TAF3: variants seen among roughly 807,000 people sequenced by gnomAD.
TAF3 encodes transcription initiation factor TFIID subunit 3.
In TAF3, 7 loss-of-function variants were observed where a neutral mutation model predicts 80.6. That is an observed-to-expected ratio of 0.09 (90% CI 0.05 to 0.16). The LOEUF is 0.16. Among genes scored for constraint, TAF3 ranks in the 10% least tolerant of loss-of-function variants. TAF3 has a pLI of 1.00. For missense variants in TAF3, 921 were observed against 1,140.2 expected (o/e 0.81, Z 2.77); for synonymous variants, 444 against 446.1 (o/e 1.00, Z 0.06).
intron 2 of TAF3, among the ~76,000 whole-genome samples, chr10:7,933,890 T>G (rs564719655): frequency 6.6e-6 from 1 of 152,306 alleles, no homozygotes; most frequent in South Asian, 2.1e-4. Flanking sequence ...TTCCCCCCGA[T>G]TTTAGCATTT....
At chr10:7,957,992 C>T (rs1838153949) in intron 2 of TAF3, among the ~76,000 whole-genome samples, 1 of 152,120 alleles carries the variant, frequency 6.6e-6, no homozygotes, top group Non-Finnish European at 1.5e-5. Flanking sequence ...TTATAATACA[C>T]AGGCTTCCAC....
In TAF3 at chr10:7,965,216, G is replaced by T; in HGVS notation, c.1706G>T (p.Gly569Val). The T allele has an allele frequency of 6.2e-7, 1 of 1,607,166 alleles. No homozygotes were observed. Residue 569 changes from glycine to valine, a missense_variant, in exon 3 of 7, where the codon GGC becomes GTC. By Grantham distance (109) the Gly-to-Val change is moderately radical (BLOSUM62 -3). This residue lies in a region of TAF3 where 743 missense variants were observed against 821.0 expected (regional missense o/e 0.90). Transcript: ENST00000344293. Reference sequence around the variant, plus strand: ...GAGAAAGAGAAAGACAAGGAAACTGGCAGGGAAACAAAGTATCCCTGGAAG... The same window carrying T: ...GAGAAAGAGAAAGACAAGGAAACTGTCAGGGAAACAAAGTATCCCTGGAAG... ...VKEKEKDKET[G>V]RETKYPWKEF... is the part of the protein sequence containing the mutation.
chr10:7,915,534 T>C (rs908433000), intron 2 of TAF3, among the ~76,000 whole-genome samples: 1 of 150,904 alleles, frequency 6.6e-6, no homozygotes, highest in Admixed American at 6.6e-5. Context: ...TCCCAGCTAC[T>C]TGGGAGGCTG....
chr10:7,848,667 G>A (rs1836996985), intron 2 of TAF3, among the ~76,000 whole-genome samples: 3 of 152,196 alleles, frequency 2.0e-5, no homozygotes, highest in African/African-American at 7.2e-5. Context: ...GAAGTTGTTA[G>A]TGTTTTCATT....
intron 2 of TAF3, among the ~76,000 whole-genome samples, chr10:7,934,497 T>TTCTGTCACCCAG (rs1837898163): frequency 1.3e-5 from 2 of 152,212 alleles, no homozygotes; most frequent in Non-Finnish European, 2.9e-5. Flanking sequence ...CAGGCTGGAG[T>TTCTGTCACCCAG]GCAGTGGCAC....
At chr10:7,885,253 C>G (rs537424271) in intron 2 of TAF3, among the ~76,000 whole-genome samples, 43 of 151,390 alleles carry the variant, frequency 2.8e-4, no homozygotes, top group African/African-American at 8.7e-4. Flanking sequence ...AATTTTGACA[C>G]ACACACACAC....
intron 2 of TAF3, among the ~76,000 whole-genome samples, chr10:7,859,017 C>G (rs1026172940): frequency 2.0e-5 from 3 of 152,162 alleles, no homozygotes; most frequent in African/African-American, 7.2e-5. Flanking sequence ...AATCCCAGCA[C>G]TTTGGGAGGC....
intron 2 of TAF3, among the ~76,000 whole-genome samples, chr10:7,902,581 C>T (rs1349862964): frequency 2.0e-5 from 3 of 152,116 alleles, no homozygotes; most frequent in South Asian, 2.1e-4. Context: ...CAGTGTGTTA[C>T]ATCAGGAGGC....
At chr10:7,824,655 G>A (rs1183488990) in intron 2 of TAF3, 95 bp downstream of exon 2, 1 of 1,427,726 alleles carries the variant, frequency 7.0e-7, no homozygotes, top group Non-Finnish European at 9.5e-7. Flanking sequence ...ATAAATTCTG[G>A]AAACACAATA....
At chr10:7,966,008 G>C (rs1831567495) in intron 3 of TAF3, among the ~76,000 whole-genome samples, 1 of 151,026 alleles carries the variant, frequency 6.6e-6, no homozygotes, top group South Asian at 2.1e-4. Context: ...TAGCTATAGT[G>C]ATCTCTGGCA....
chr10:7,919,462 C>T (rs1033418813), intron 2 of TAF3, among the ~76,000 whole-genome samples: 13 of 152,140 alleles, frequency 8.5e-5, no homozygotes, highest in African/African-American at 2.9e-4. Flanking sequence ...TTGATGTTTT[C>T]ACCTGTAGAA....
intron 4 of TAF3, among the ~76,000 whole-genome samples, chr10:7,989,753 G>A (rs1000047604): frequency 5.9e-5 from 9 of 152,044 alleles, no homozygotes; most frequent in East Asian, 1.9e-4. Flanking sequence ...ATATCTCGGC[G>A]TTTGGTATAA....
intron 2 of TAF3, among the ~76,000 whole-genome samples, chr10:7,888,672 T>C (rs1837432511): frequency 6.6e-6 from 1 of 152,214 alleles, no homozygotes; most frequent in African/African-American, 2.4e-5. Context: ...CTTTAAAAGA[T>C]GCTAGCCTAA....
chr10:7,901,577 G>C (rs891487272), intron 2 of TAF3, among the ~76,000 whole-genome samples: 10 of 152,186 alleles, frequency 6.6e-5, no homozygotes, highest in Admixed American at 1.3e-4. Flanking sequence ...TTGGCCATCA[G>C]CTTTTTTCCC....
Position 7,965,267 on chromosome 10 carries a change from A to G in TAF3, c.1757A>G (p.Asp586Gly). ...WKEFLKEEEA[D>G]PYKFKIKEFE... is the part of the protein sequence containing the mutation. ...GAATTTCTTAAAGAGGAAGAGGCAG[A>G]TCCCTACAAGTTTAAAATCAAAGAA... The change falls in exon 3 of 7, where the codon GAT (aspartate) becomes GGT (glycine). Residue 586 changes from aspartate (D) to glycine (G), a missense_variant. By Grantham distance (94) the Asp-to-Gly change is moderately conservative. Coordinates refer to ENST00000344293, the MANE Select transcript of TAF3 (RefSeq NM_031923.4). 2 of 1,609,368 alleles carry G rather than the reference A, an allele frequency of 1.2e-6. No homozygotes were observed. The highest frequency in any genetic ancestry group is 1.7e-5 in the Admixed American group (1 of 58,968).
At chr10:7,860,668 A>AT (rs549857731) in intron 2 of TAF3, among the ~76,000 whole-genome samples, 18 of 152,300 alleles carry the variant, frequency 1.2e-4, no homozygotes, top group Admixed American at 9.8e-4. Context: ...TACCAATTAA[A>AT]TTTTTATATC....
intron 2 of TAF3, among the ~76,000 whole-genome samples, chr10:7,881,189 G>A (rs1225373318): frequency 7.2e-6 from 1 of 138,620 alleles, no homozygotes; most frequent in Non-Finnish European, 1.6e-5. Flanking sequence ...TGAGCCATGA[G>A]TATAACTAAC....
At chr10:7,853,256 TAA>T (rs1837046544) in intron 2 of TAF3, among the ~76,000 whole-genome samples, 1 of 152,150 alleles carries the variant, frequency 6.6e-6, no homozygotes, top group Admixed American at 6.5e-5. Flanking sequence ...TTTTTGAGGT[TAA>T]GTTTATTGTA....
intron 2 of TAF3, among the ~76,000 whole-genome samples, chr10:7,874,091 T>TA (rs1294324626): frequency 6.6e-6 from 1 of 152,240 alleles, no homozygotes; most frequent in Non-Finnish European, 1.5e-5. Flanking sequence ...GCCAAGCTCT[T>TA]AATGATTTTT....
Sources: allele counts gnomAD v4.1 joint callset (sites outside exome capture counted in the v4.1 genomes callset), GRCh38; gene constraint gnomAD v4.1.1; regional missense constraint gnomAD v4.1.1; transcripts MANE v1.5; gene names NCBI Gene and HGNC (gene_info 2026-07-23, HGNC 2026-07-21).